EPB41L4A: variants seen among roughly 807,000 people sequenced by gnomAD.
EPB41L4A encodes erythrocyte membrane protein band 4.1 like 4A.
In EPB41L4A, 100 loss-of-function variants were observed where a neutral mutation model predicts 108.6. That is an observed-to-expected ratio of 0.92 (90% CI 0.78 to 1.09). The LOEUF (loss-of-function observed/expected upper bound fraction) is 1.09, where lower values mean the gene tolerates loss of function less well. Ranked by LOEUF, EPB41L4A falls within the 50% of genes least tolerant of loss-of-function variation. The pLI is 0.00. For missense variants in EPB41L4A, 1,030 were observed against 842.7 expected (o/e 1.22, Z -2.75); for synonymous variants, 319 against 289.0 (o/e 1.10, Z -1.05).
intron 1 of EPB41L4A, among the ~76,000 whole-genome samples, chr5:112,387,561 G>A (rs1049527639): frequency 2.0e-5 from 3 of 152,180 alleles, no homozygotes; most frequent in Admixed American, 6.5e-5. Context: ...CCTGGGAGGC[G>A]GAGCTTGCAG....
At chr5:112,281,638 T>C (rs1752974494) in intron 2 of EPB41L4A, among the ~76,000 whole-genome samples, 1 of 152,256 alleles carries the variant, frequency 6.6e-6, no homozygotes. Flanking sequence ...TGACCCACTT[T>C]GAGCCACGTT....
At chr5:112,355,351 A>T (rs984510876) in intron 1 of EPB41L4A, among the ~76,000 whole-genome samples, 3 of 152,208 alleles carry the variant, frequency 2.0e-5, no homozygotes, top group African/African-American at 4.8e-5. Flanking sequence ...TACCAAAATA[A>T]TTTTTTAAAT....
At chr5:112,181,398 GC>G (rs1214957834) in intron 18 of EPB41L4A, among the ~76,000 whole-genome samples, 1 of 152,016 alleles carries the variant, frequency 6.6e-6, no homozygotes, top group Non-Finnish European at 1.5e-5. Context: ...CTTGCAGTGA[GC>G]CGAGACTGGC....
chr5:112,232,403 C>A (rs1372982928), intron 12 of EPB41L4A, among the ~76,000 whole-genome samples: 3 of 152,102 alleles, frequency 2.0e-5, no homozygotes, highest in Non-Finnish European at 4.4e-5. Context: ...TTCCTCATTA[C>A]CTGAAGGGAG....
chr5:112,419,781 G>T, upstream of EPB41L4A: 1 of 456,766 alleles, frequency 2.2e-6, no homozygotes, highest in Middle Eastern at 3.3e-4. Context: ...GGGGAGGTCA[G>T]CTCGTCGCGG....
chr5:112,154,983 T>A (rs879492864), intron 12 of EPB41L4A, among the ~76,000 whole-genome samples: 1 of 152,188 alleles, frequency 6.6e-6, no homozygotes, highest in Non-Finnish European at 1.5e-5. Flanking sequence ...CTAGGAACTT[T>A]AACTTAACAA....
At chr5:112,300,959 T>C (rs1258427608) in intron 2 of EPB41L4A, among the ~76,000 whole-genome samples, 1 of 152,178 alleles carries the variant, frequency 6.6e-6, no homozygotes, top group African/African-American at 2.4e-5. Flanking sequence ...AAGAACATTT[T>C]GCATTTCTCT....
chr5:112,208,915 T>A (rs747833264), intron 13 of EPB41L4A, among the ~76,000 whole-genome samples: 1 of 152,072 alleles, frequency 6.6e-6, no homozygotes, highest in East Asian at 1.9e-4. Flanking sequence ...TACAGTAAAC[T>A]AAAGTTATGC....
chr5:112,282,337 TAAAC>T (rs1753015315), intron 2 of EPB41L4A, among the ~76,000 whole-genome samples: 1 of 152,212 alleles, frequency 6.6e-6, no homozygotes, highest in Non-Finnish European at 1.5e-5. Flanking sequence ...CCATTCATGT[TAAAC>T]AAAAAGGTTT....
intron 1 of EPB41L4A, among the ~76,000 whole-genome samples, chr5:112,384,891 C>A (rs945593880): frequency 1.4e-4 from 22 of 152,154 alleles, no homozygotes; most frequent in Non-Finnish European, 2.4e-4. Flanking sequence ...GCCTCAATAT[C>A]TGCTGGGAAA....
intron 12 of EPB41L4A, among the ~76,000 whole-genome samples, chr5:112,152,448 C>A (rs1317461118): frequency 6.6e-6 from 1 of 152,038 alleles, no homozygotes; most frequent in Non-Finnish European, 1.5e-5. Context: ...AGAAGTGGAG[C>A]CTTTGGGTGG....
At chr5:112,162,419 AT>A (rs1224753260), downstream of EPB41L4A, 2 of 152,236 alleles carry the variant, frequency 1.3e-5, no homozygotes, top group Non-Finnish European at 1.5e-5. Flanking sequence ...ACCATAATTA[AT>A]AGCCTTAAAA....
intron 12 of EPB41L4A, among the ~76,000 whole-genome samples, chr5:112,146,548 G>C (rs1170217445): frequency 1.3e-5 from 2 of 152,162 alleles, no homozygotes; most frequent in Non-Finnish European, 2.9e-5. Flanking sequence ...CCTTGGCAAT[G>C]TGTGGACATG....
intron 16 of EPB41L4A, 81 bp from the exon 17 acceptor site, chr5:112,194,726 C>G: frequency 1.3e-6 from 1 of 795,264 alleles, no homozygotes; most frequent in African/African-American, 1.8e-5. Flanking sequence ...TATATGGGTC[C>G]TCTGGAATTC....
intron 12 of EPB41L4A, among the ~76,000 whole-genome samples, chr5:112,154,801 C>G (rs1324353998): frequency 6.6e-6 from 1 of 152,142 alleles, no homozygotes; most frequent in Admixed American, 6.5e-5. Flanking sequence ...AACATCAATA[C>G]AGTTTAAAAT....
In EPB41L4A at chr5:112,412,291, G is replaced by A. The variant is rs544532597; in HGVS notation, c.99+6650C>T. Among the ~76,000 whole-genome samples the A allele has an allele frequency of 6.6e-5, 10 of 152,328 alleles. No individual in the cohort carries two copies. In the South Asian group the frequency reaches 2.1e-3, roughly 32 times the overall value. On this transcript the variant is annotated intron_variant, in intron 1 of 22. Transcript: ENST00000261486. ...CAAACTTCTCACACATTTTGGAAGGGCTGCAGGCCCTTTATGTCTTCAGCG... is the reference window on the plus strand; with the variant it reads ...CAAACTTCTCACACATTTTGGAAGGACTGCAGGCCCTTTATGTCTTCAGCG...
intron 15 of EPB41L4A, among the ~76,000 whole-genome samples, chr5:112,196,464 T>C (rs1016845249): frequency 2.0e-4 from 30 of 152,226 alleles, no homozygotes; most frequent in Admixed American, 1.6e-3. Context: ...CTGTTATTGC[T>C]TATTCAACTA....
At chr5:112,236,469 A>C (rs951770621) in intron 11 of EPB41L4A, among the ~76,000 whole-genome samples, 1 of 152,192 alleles carries the variant, frequency 6.6e-6, no homozygotes, top group Admixed American at 6.5e-5. Flanking sequence ...CATTTTCCTC[A>C]TTTATATTTC....
intron 1 of EPB41L4A, among the ~76,000 whole-genome samples, chr5:112,376,404 A>C (rs1308164973): frequency 1.3e-5 from 2 of 152,250 alleles, no homozygotes; most frequent in African/African-American, 2.4e-5. Flanking sequence ...GGACACAAAG[A>C]AATTGGGTAA....
Sources: allele counts gnomAD v4.1 joint callset (sites outside exome capture counted in the v4.1 genomes callset), GRCh38; gene constraint gnomAD v4.1.1; transcripts MANE v1.5; gene names NCBI Gene and HGNC (gene_info 2026-07-23, HGNC 2026-07-21).